The following STK31 variants were observed in gnomAD, a reference collection of about 807,000 sequenced individuals.
STK31 encodes serine/threonine kinase 31, also known as serine/threonine-protein kinase 31.
A neutral mutation model predicts 129.7 loss-of-function variants in STK31; 89 were observed. The observed-to-expected ratio is 0.69, with a 90% CI of 0.58 to 0.82. The LOEUF (loss-of-function observed/expected upper bound fraction) is 0.82. Among genes scored for constraint, STK31 ranks in the 40% least tolerant of loss-of-function variants. The pLI, the probability that STK31 is intolerant of heterozygous loss-of-function variation, is 0.00. For missense variants in STK31, 1,187 were observed against 1,176.4 expected (o/e 1.01, Z -0.13); for synonymous variants, 448 against 395.3 (o/e 1.13, Z -1.58).
chr7:23,710,466 C>A (rs1371418374), intron 1 of STK31, 131 bp downstream of exon 1: 4 of 1,551,504 alleles, frequency 2.6e-6, no homozygotes, highest in East Asian at 2.3e-5. Flanking sequence ...TCTAGCCGCC[C>A]GCCACCCCAG....
intron 22 of STK31, among the ~76,000 whole-genome samples, chr7:23,805,304 G>C (rs1792632957): frequency 6.6e-6 from 1 of 152,146 alleles, no homozygotes; most frequent in Non-Finnish European, 1.5e-5. Flanking sequence ...TCGAACTCCT[G>C]AGCACAGGCA....
intron 6 of STK31, among the ~76,000 whole-genome samples, chr7:23,734,029 G>A (rs1787581178): frequency 6.6e-6 from 1 of 152,044 alleles, no homozygotes; most frequent in Admixed American, 6.6e-5. Flanking sequence ...TCTTAAAAAT[G>A]TTATTTAGTT....
intron 10 of STK31, among the ~76,000 whole-genome samples, chr7:23,755,591 C>G (rs551360207): frequency 6.6e-6 from 1 of 152,110 alleles, no homozygotes; most frequent in African/African-American, 2.4e-5. Flanking sequence ...ATGTCCTGAA[C>G]GCTATTGCCT....
chr7:23,755,386 G>T (rs1222764426), intron 10 of STK31, among the ~76,000 whole-genome samples: 2 of 152,076 alleles, frequency 1.3e-5, no homozygotes, highest in African/African-American at 4.8e-5. Context: ...TGTAGATTCT[G>T]GATATTAGAT....
chr7:23,818,070 ATAT>A (rs1399331136), intron 23 of STK31, among the ~76,000 whole-genome samples: 1 of 152,044 alleles, frequency 6.6e-6, no homozygotes, highest in Non-Finnish European at 1.5e-5. Flanking sequence ...ACAAATTGTA[ATAT>A]TATATTTAAA....
chr7:23,768,307 T>C (rs891165514), intron 11 of STK31, among the ~76,000 whole-genome samples: 3 of 152,212 alleles, frequency 2.0e-5, no homozygotes, highest in Non-Finnish European at 4.4e-5. Flanking sequence ...TTATACCATC[T>C]AGGTTTGCAT....
chr7:23,815,818 C>T (rs906825249), intron 23 of STK31, among the ~76,000 whole-genome samples: 2 of 151,702 alleles, frequency 1.3e-5, no homozygotes, highest in Admixed American at 1.3e-4. Context: ...ATAATGAAGC[C>T]CCTAAAAAAA....
chr7:23,717,689 T>A, intron 4 of STK31, 110 bp downstream of exon 4: 1 of 785,348 alleles, frequency 1.3e-6, no homozygotes, highest in South Asian at 1.8e-5. Flanking sequence ...GAGGCTGATT[T>A]TTGGAATTTG....
chr7:23,736,996 A>G lies in STK31; in HGVS notation c.935A>G (p.Lys312Arg), dbSNP rs368656328. Reference protein sequence around the residue: ...QDQKLIEENEKLKTEKDALLE... With the variant: ...QDQKLIEENERLKTEKDALLE... ...CAGAAACTGATTGAAGAAAATGAAA[A>G]ACTTAAAACAGAGAAGGACGCTCTT... Residue 312 changes from lysine to arginine, a missense_variant, in exon 8 of 24, where the codon AAA becomes AGA. Physicochemically the swap from Lys to Arg is conservative, Grantham distance 26 (BLOSUM62 2). This residue lies in a region of STK31 where 975 missense variants were observed against 934.9 expected (regional missense o/e 1.04). Coordinates refer to ENST00000355870, the MANE Select transcript of STK31 (RefSeq NM_031414.5). The G allele has an allele frequency of 9.9e-6, 16 of 1,613,754 alleles. No homozygotes were observed. In the African/African-American group the frequency reaches 1.7e-4, roughly 18 times the overall value.
At chr7:23,787,372 T>C (rs1208869989) in intron 20 of STK31, among the ~76,000 whole-genome samples, 2 of 152,174 alleles carry the variant, frequency 1.3e-5, no homozygotes, top group African/African-American at 4.8e-5. Flanking sequence ...CTACTTTACA[T>C]GGTTGGTATT....
At chr7:23,824,656 G>A (rs1005830939) in intron 23 of STK31, among the ~76,000 whole-genome samples, 2 of 152,156 alleles carry the variant, frequency 1.3e-5, no homozygotes, top group Non-Finnish European at 2.9e-5. Flanking sequence ...TGGTGAGAGA[G>A]GGCATCCCTG....
At chr7:23,749,842 C>T (rs1241247693) in intron 8 of STK31, among the ~76,000 whole-genome samples, 2 of 151,834 alleles carry the variant, frequency 1.3e-5, no homozygotes, top group African/African-American at 4.8e-5. Flanking sequence ...CAATTTTTTC[C>T]TCCCCCTTTA....
intron 23 of STK31, among the ~76,000 whole-genome samples, chr7:23,815,839 G>A (rs1034557778): frequency 4.0e-5 from 6 of 151,798 alleles, no homozygotes; most frequent in African/African-American, 1.5e-4. Context: ...GTACTTGGGG[G>A]GAAGCTGATT....
chr7:23,739,380 G>T (rs947612410), intron 8 of STK31, among the ~76,000 whole-genome samples: 7 of 152,096 alleles, frequency 4.6e-5, no homozygotes, highest in African/African-American at 1.7e-4. Context: ...TTAGCCCTTT[G>T]TCAGATGGAC....
At chr7:23,756,974 G>A (rs932771481) in intron 10 of STK31, among the ~76,000 whole-genome samples, 2 of 152,096 alleles carry the variant, frequency 1.3e-5, no homozygotes, top group Non-Finnish European at 2.9e-5. Flanking sequence ...GTCTTTTCCC[G>A]GTTTGGGTAT....
Position 23,754,390 on chromosome 7 carries a change from T to G in STK31, c.1209T>G (p.Thr403=). The change falls in exon 10 of 24, where the codon ACT becomes ACG. Residue 403 remains threonine (T), a synonymous_variant. Coordinates refer to ENST00000355870, the MANE Select transcript of STK31 (RefSeq NM_031414.5). ...AIQVLDEGCF[T]TPASLNGLEI... is the part of the protein sequence containing the mutation. ...AAGTGTTGGATGAAGGGTGCTTTAC[T>G]ACTCCAGCTTCTTTGAATGGATTAG... The G allele has an allele frequency of 6.2e-7, 1 of 1,614,126 alleles. No individual in the cohort carries two copies. Among genetic ancestry groups the G allele is most frequent in the Non-Finnish European group, 8.5e-7 (1 of 1,179,990 alleles).
intron 22 of STK31, among the ~76,000 whole-genome samples, chr7:23,794,526 C>A (rs886146944): frequency 6.6e-6 from 1 of 152,092 alleles, no homozygotes; most frequent in African/African-American, 2.4e-5. Flanking sequence ...TGTAAAGATA[C>A]CCGAAAATGT....
At chr7:23,728,413 T>G (rs1787215091) in intron 5 of STK31, among the ~76,000 whole-genome samples, 1 of 152,200 alleles carries the variant, frequency 6.6e-6, no homozygotes, top group South Asian at 2.1e-4. Context: ...TAAAAAAATT[T>G]CATTTTTTGC....
At chr7:23,828,709 G>C (rs963309767) in intron 23 of STK31, among the ~76,000 whole-genome samples, 6 of 152,270 alleles carry the variant, frequency 3.9e-5, no homozygotes, top group African/African-American at 1.4e-4. Flanking sequence ...GTAGACTGGA[G>C]CTGTTCCTAT....
Sources: allele counts gnomAD v4.1 joint callset (sites outside exome capture counted in the v4.1 genomes callset), GRCh38; gene constraint gnomAD v4.1.1; regional missense constraint gnomAD v4.1.1; transcripts MANE v1.5; gene names NCBI Gene and HGNC (gene_info 2026-07-23, HGNC 2026-07-21).